The following LRRC7 variants were observed in gnomAD, a reference collection of about 807,000 sequenced individuals.
LRRC7 encodes the protein leucine-rich repeat-containing protein 7.
LRRC7 carries 23 observed loss-of-function variants against 175.7 expected under a neutral mutation model. The ratio of observed to expected loss-of-function variants is 0.13; its 90% confidence interval spans 0.09 to 0.19. The LOEUF is 0.19. Ranked by LOEUF, LRRC7 falls within the 10% of genes least tolerant of loss-of-function variation. The pLI, the probability that LRRC7 is intolerant of heterozygous loss-of-function variation, is 1.00. For synonymous variants in LRRC7, 685 were observed against 680.9 expected, an observed-to-expected ratio of 1.01 and a Z score of -0.09; for missense variants, 1,354 against 1,904.7, an observed-to-expected ratio of 0.71 and a Z score of 5.38.
chr1:69,987,098 G>C (rs578089386), intron 10 of LRRC7, among the ~76,000 whole-genome samples: 4 of 152,004 alleles, frequency 2.6e-5, no homozygotes, highest in Non-Finnish European at 4.4e-5. Context: ...AAAAAGTACC[G>C]GGCATGGTGG....
chr1:69,848,324 C>T (rs938671625), intron 7 of LRRC7, among the ~76,000 whole-genome samples: 6 of 152,056 alleles, frequency 3.9e-5, no homozygotes, highest in Non-Finnish European at 8.8e-5. Context: ...GCTTTCCCTA[C>T]CCAACTGCAG....
intron 3 of LRRC7, among the ~76,000 whole-genome samples, chr1:69,781,605 C>T (rs932741846): frequency 6.7e-6 from 1 of 149,440 alleles, no homozygotes; most frequent in African/African-American, 2.5e-5. Flanking sequence ...TCGCTTGAAC[C>T]TGGGAGGTGG....
At chr1:69,691,139 A>T (rs1473015934) in intron 2 of LRRC7, among the ~76,000 whole-genome samples, 4 of 152,194 alleles carry the variant, frequency 2.6e-5, no homozygotes, top group Non-Finnish European at 1.5e-5. Flanking sequence ...ATGGGGAAGC[A>T]GGTCAGAGGG....
intron 1 of LRRC7, among the ~76,000 whole-genome samples, chr1:69,665,673 G>A (rs188672193): frequency 6.9e-4 from 104 of 151,140 alleles, no homozygotes; most frequent in African/African-American, 2.4e-3. Flanking sequence ...TGTTGATTTT[G>A]TATCCTACAA....
intron 2 of LRRC7, among the ~76,000 whole-genome samples, chr1:69,683,662 GA>G (rs74988680): frequency 0.21 from 31,827 of 151,758 alleles, 3,500 homozygotes; most frequent in South Asian, 0.29. Context: ...GAAACTAGAA[GA>G]AAAATTAAAA....
intron 3 of LRRC7, among the ~76,000 whole-genome samples, chr1:69,790,905 A>C (rs887113784): frequency 2.0e-5 from 3 of 152,048 alleles, no homozygotes; most frequent in Admixed American, 2.0e-4. Flanking sequence ...AAGAAACTGC[A>C]TATTTCATAT....
intron 7 of LRRC7, among the ~76,000 whole-genome samples, chr1:69,894,843 G>T (rs1645932994): frequency 1.3e-5 from 2 of 152,172 alleles, no homozygotes; most frequent in South Asian, 2.1e-4. Context: ...GATGTCAGGG[G>T]TATAAAGTTA....
Position 70,128,104 on chromosome 1 carries a change from GGT to G in LRRC7, c.*6219_*6220del, listed in dbSNP as rs1448562809. ...AGCCTCCTGAGTAGCTGGGATTACAGGTGCGTGCCACCACACTGGGCTAATTT... is the reference window on the plus strand; with the variant it reads ...AGCCTCCTGAGTAGCTGGGATTACAGGCGTGCCACCACACTGGGCTAATTT... On this transcript the variant is annotated 3_prime_UTR_variant, in exon 27 of 27. Coordinates refer to ENST00000651989, the MANE Select transcript of LRRC7 (RefSeq NM_001370785.2). Among the ~76,000 whole-genome samples, 2 of 152,094 alleles carry G rather than the reference GGT, an allele frequency of 1.3e-5. No individual in the cohort carries two copies. The highest frequency in any genetic ancestry group is 4.8e-5 in the African/African-American group (2 of 41,396).
intron 26 of LRRC7, 29 bp downstream of exon 26, chr1:70,107,855 A>G (rs1399526891): frequency 2.6e-6 from 4 of 1,540,268 alleles, no homozygotes. Flanking sequence ...ATGCATGCAA[A>G]TGCCATACTG....
chr1:69,730,961 C>T (rs1035150298), intron 2 of LRRC7, among the ~76,000 whole-genome samples: 9 of 151,940 alleles, frequency 5.9e-5, no homozygotes, highest in South Asian at 2.1e-4. Context: ...CTTCACATGG[C>T]GGCAGCAAGC....
chr1:69,947,779 T>A (rs1431244708), intron 8 of LRRC7, among the ~76,000 whole-genome samples: 1 of 151,840 alleles, frequency 6.6e-6, no homozygotes, highest in Non-Finnish European at 1.5e-5. Context: ...ATATATACTA[T>A]TTTTTTTACA....
chr1:69,743,208 C>G (rs1668896573), intron 2 of LRRC7, among the ~76,000 whole-genome samples: 1 of 151,936 alleles, frequency 6.6e-6, no homozygotes, highest in Non-Finnish European at 1.5e-5. Context: ...AGGTTAGGGT[C>G]AAGATAAATC....
intron 7 of LRRC7, among the ~76,000 whole-genome samples, chr1:69,898,733 T>C (rs1476058470): frequency 6.6e-6 from 1 of 152,104 alleles, no homozygotes; most frequent in East Asian, 1.9e-4. Context: ...CTTCTGTAGA[T>C]AGTATCTGTG....
chr1:69,754,975 T>C (rs144529177), intron 2 of LRRC7, among the ~76,000 whole-genome samples: 83 of 152,044 alleles, frequency 5.5e-4, no homozygotes, highest in African/African-American at 1.8e-3. Context: ...GGACAAATTC[T>C]AACACTGTAA....
chr1:69,611,770 A>G (rs1212899202), intron 1 of LRRC7, among the ~76,000 whole-genome samples: 5 of 152,100 alleles, frequency 3.3e-5, no homozygotes, highest in Non-Finnish European at 5.9e-5. Context: ...TCTCCAATAA[A>G]AAAAGCACAG....
chr1:69,922,967 C>T (rs1033381449), intron 7 of LRRC7, among the ~76,000 whole-genome samples: 6 of 152,016 alleles, frequency 3.9e-5, no homozygotes, highest in African/African-American at 7.2e-5. Context: ...TCCCTCCCCC[C>T]TCCTGCCACC....
chr1:69,650,341 C>G (rs1458696209), intron 1 of LRRC7, among the ~76,000 whole-genome samples: 1 of 151,674 alleles, frequency 6.6e-6, no homozygotes, highest in Non-Finnish European at 1.5e-5. Flanking sequence ...GAGATCGAGA[C>G]CATCGTGGCT....
intron 18 of LRRC7, among the ~76,000 whole-genome samples, chr1:70,030,168 C>T (rs1236734755): frequency 1.3e-5 from 2 of 152,174 alleles, no homozygotes; most frequent in African/African-American, 4.8e-5. Context: ...TGTCCCCAGC[C>T]TCCTCATTGC....
chr1:69,642,363 G>C (rs1253603849), intron 1 of LRRC7, among the ~76,000 whole-genome samples: 1 of 151,694 alleles, frequency 6.6e-6, no homozygotes, highest in African/African-American at 2.4e-5. Context: ...AAAAAGTTAT[G>C]ATCAATTAAT....
Sources: allele counts gnomAD v4.1 joint callset (sites outside exome capture counted in the v4.1 genomes callset), GRCh38; gene constraint gnomAD v4.1.1; transcripts MANE v1.5; gene names NCBI Gene and HGNC (gene_info 2026-07-23, HGNC 2026-07-21).